The following GAREM2 variants were observed in gnomAD, a reference collection of about 807,000 sequenced individuals.
GAREM2 encodes the protein GRB2-associated and regulator of MAPK protein 2.
Under a neutral mutation model 55.6 loss-of-function variants are expected in GAREM2, and 30 were observed. The observed-to-expected ratio is 0.54, with a 90% CI of 0.40 to 0.73. The LOEUF (loss-of-function observed/expected upper bound fraction) is 0.73, where lower values mean the gene tolerates loss of function less well. Ranked by LOEUF, GAREM2 falls within the 30% of genes least tolerant of loss-of-function variation. The pLI is 0.00. For synonymous variants in GAREM2, 550 were observed against 569.1 expected (o/e 0.97, Z 0.48); for missense variants, 1,075 against 1,257.7 (o/e 0.85, Z 2.20).
chr2:26,176,926 G>A (rs914413722), intron 2 of GAREM2, among the ~76,000 whole-genome samples: 54 of 152,060 alleles, frequency 3.6e-4, no homozygotes, highest in Admixed American at 3.1e-3. Flanking sequence ...ACCTCTCCGC[G>A]CTGATCCTGT....
At position 26,187,926 on chromosome 2, in the gene GAREM2, C is replaced by T; in HGVS notation, c.2294C>T (p.Pro765Leu). 1 of 1,450,592 alleles carries T rather than the reference C, an allele frequency of 6.9e-7. No individual in the cohort carries two copies. Among genetic ancestry groups the T allele is most frequent in the South Asian group, 1.5e-5 (1 of 67,212 alleles). 89.9% of individuals were successfully genotyped at this position (1,450,592 alleles called of 1,614,324 possible). A position where few individuals can be genotyped will look rare whatever the true frequency, so the allele number is the denominator to read the frequency against. ...CTGTCACCAGCTGCTCTGCAGGGAC[C>T]CGAGGCGGGAGGAGCACTTTTTCTA... Reference protein sequence around the residue: ...TPLSPAALQGPEAGGALFLTQ... With the variant: ...TPLSPAALQGLEAGGALFLTQ... The change falls in exon 6 of 6, where the codon CCC (proline) becomes CTC (leucine). Residue 765 changes from proline (P) to leucine (L), a missense_variant. Around this residue, in one of 6 missense-constraint regions of GAREM2, gnomAD observed 142 missense variants for 172.3 expected, o/e 0.82. Coordinates refer to ENST00000401533, the MANE Select transcript of GAREM2 (RefSeq NM_001168241.2).
the GAREM2 span, among the ~76,000 whole-genome samples, chr2:26,203,746 C>A: frequency 1.3e-5 from 2 of 152,094 alleles, no homozygotes; most frequent in Non-Finnish European, 2.9e-5. Flanking sequence ...AGGCCTGATA[C>A]GAAAGTGTAA....
Position 26,176,416 on chromosome 2 carries a change from C to T in GAREM2, c.185C>T (p.Thr62Ile). 1 of 1,550,844 alleles carries T rather than the reference C, an allele frequency of 6.4e-7. No individual in the cohort carries two copies. Among genetic ancestry groups the T allele is most frequent in the Non-Finnish European group, 8.7e-7 (1 of 1,146,508 alleles). The change falls in exon 2 of 6, where the codon ACA becomes ATA. Residue 62 changes from threonine to isoleucine, a missense_variant. This residue lies in a region of GAREM2 where 230 missense variants were observed against 310.6 expected (regional missense o/e 0.74). Transcript: ENST00000401533. ...TCCTGCCGGCAGTGGACAACGGTGA[C>T]AGCTCATACCCTGGAGGAGGGCCAC... ...IHSCRQWTTVTAHTLEEGHYV... is the reference protein window; with the variant it reads ...IHSCRQWTTVIAHTLEEGHYV...
intron 5 of GAREM2, 85 bp from the exon 6 acceptor site, chr2:26,187,146 G>T: frequency 7.3e-7 from 1 of 1,370,136 alleles, no homozygotes; most frequent in Non-Finnish European, 9.4e-7. Context: ...TCATAGTGGT[G>T]CTTGGTTGCA....
intron 2 of GAREM2, among the ~76,000 whole-genome samples, chr2:26,180,270 G>A (rs533877673): frequency 5.3e-5 from 8 of 152,266 alleles, no homozygotes; most frequent in South Asian, 2.1e-4. Flanking sequence ...TGGGTCTCTC[G>A]CTGGGTTTAG....
At chr2:26,197,260 C>T in the GAREM2 span, among the ~76,000 whole-genome samples, 4 of 152,236 alleles carry the variant, frequency 2.6e-5, no homozygotes, top group East Asian at 1.9e-4. Flanking sequence ...TTTCATGTCC[C>T]GGGGTAGAAG....
At chr2:26,180,944 T>C in intron 2 of GAREM2, 1 of 985,458 alleles carries the variant, frequency 1.0e-6, no homozygotes, top group Non-Finnish European at 1.2e-6. Context: ...ACCAGGCTGG[T>C]GGCCTGAGTA....
chr2:26,183,644 G>C (rs534566128), intron 3 of GAREM2, among the ~76,000 whole-genome samples: 3 of 152,180 alleles, frequency 2.0e-5, no homozygotes, highest in Non-Finnish European at 4.4e-5. Context: ...GAGGACTGTT[G>C]CCAGGAGTTT....
intron 4 of GAREM2, among the ~76,000 whole-genome samples, chr2:26,185,930 C>T (rs897896036): frequency 7.2e-5 from 11 of 152,078 alleles, no homozygotes; most frequent in Non-Finnish European, 1.6e-4. Flanking sequence ...TGTTCTTTTT[C>T]TTAACATCCA....
rs754300310 is a variant in GAREM2, at chr2:26,186,252, G to A, written c.1492G>A (p.Gly498Ser). The change falls in exon 5 of 6, where the codon GGC becomes AGC. Residue 498 changes from glycine (G) to serine (S), a missense_variant. Transcript: ENST00000401533. ...PVPPRGGNGS[G>S]RLSSSPPVPP... ...GCCTCCCCGGGGTGGCAATGGCAGC[G>A]GCCGGCTCTCCAGCAGCCCCCCGGT... The A allele has an allele frequency of 9.2e-5, 143 of 1,549,566 alleles. 1 individual carries two copies. The Middle Eastern group carries it at 8.0e-3, about 87-fold the overall frequency.
At chr2:26,177,107 CAG>C (rs1668888998) in intron 2 of GAREM2, among the ~76,000 whole-genome samples, 1 of 152,210 alleles carries the variant, frequency 6.6e-6, no homozygotes, top group Admixed American at 6.5e-5. Flanking sequence ...GTTACCAAAA[CAG>C]AGTACAGCCC....
intron 1 of GAREM2, 115 bp downstream of exon 1, chr2:26,173,447 G>C (rs1668764355): frequency 5.9e-6 from 3 of 511,030 alleles, no homozygotes; most frequent in Non-Finnish European, 8.9e-6. Context: ...CCAGCTCCCC[G>C]GCGTGGGCCC....
At position 26,179,513 on chromosome 2, in the gene GAREM2, C is replaced by G. The variant is rs890593593; in HGVS notation, c.253+3029C>G. 1.3e-5 allele frequency among the ~76,000 whole-genome samples: 2 copies of G among 152,124 alleles called. No individual in the cohort carries two copies. The highest frequency in any genetic ancestry group is 2.9e-5 in the Non-Finnish European group (2 of 68,022). On this transcript the variant is annotated intron_variant, in intron 2 of 5. Transcript: ENST00000401533. The surrounding 1 kb of genome is among the most constrained non-coding windows in gnomAD (Gnocchi z 4.7). The stretch of plus-strand genomic sequence containing the variant: ...AAGGGTGGTCAGCAATCCCCTGCCA[C>G]AGCCCTCAGGTGCTTGGGGCTGGAA...
intron 2 of GAREM2, among the ~76,000 whole-genome samples, chr2:26,178,419 C>CG (rs1558305022): frequency 6.6e-6 from 1 of 151,902 alleles, no homozygotes; most frequent in Non-Finnish European, 1.5e-5. Context: ...AACCCCCCCC[C>CG]CCAACAACAA....
chr2:26,182,983 G>A lies in GAREM2; in HGVS notation c.270G>A (p.Leu90=). ...PLQYPGKFKL[L]EQARDVREPV... is the part of the protein sequence containing the mutation. ...ACTATGCAGGGAAGTTCAAGCTCCT[G>A]GAACAGGCCCGGGATGTGCGGGAGC... Residue 90 remains leucine, a synonymous_variant, in exon 3 of 6, where the codon CTG becomes CTA. Transcript: ENST00000401533. 1.3e-6 allele frequency: 2 copies of A among 1,551,688 alleles called. No homozygotes were observed. The highest frequency in any genetic ancestry group is 1.7e-6 in the Non-Finnish European group (2 of 1,146,976).
At position 26,188,398 on chromosome 2, in the gene GAREM2, G is replaced by T; in HGVS notation, c.*141G>T. 1.7e-6 allele frequency: 1 copy of T among 591,728 alleles called. No individual in the cohort carries two copies. Among genetic ancestry groups the T allele is most frequent in the South Asian group, 3.1e-5 (1 of 32,262 alleles). 36.7% of individuals were successfully genotyped at this position (591,728 alleles called of 1,614,324 possible). A position where few individuals can be genotyped will look rare whatever the true frequency, so the allele number is the denominator to read the frequency against. ...GCAGCCACTGGGTGGATCCAGGGGA[G>T]ATGCATGTGGAAATGTGGTCCTCTG... is the stretch of plus-strand genomic sequence containing the variant. On this transcript the variant is annotated 3_prime_UTR_variant, in exon 6 of 6. Transcript: ENST00000401533.
At chr2:26,176,915 C>T (rs58628691) in intron 2 of GAREM2, among the ~76,000 whole-genome samples, 193 of 152,280 alleles carry the variant, frequency 1.3e-3, no homozygotes, top group African/African-American at 4.4e-3. Context: ...TACATGGCTG[C>T]ACCTCTCCGC....
At chr2:26,180,294 C>A (rs1241453540) in intron 2 of GAREM2, among the ~76,000 whole-genome samples, 5 of 152,164 alleles carry the variant, frequency 3.3e-5, no homozygotes, top group Non-Finnish European at 7.4e-5. Context: ...TCTCCAGGAA[C>A]CCCCAGCACT....
chr2:26,175,898 C>T (rs977381811), intron 1 of GAREM2, among the ~76,000 whole-genome samples: 2 of 152,182 alleles, frequency 1.3e-5, no homozygotes, highest in Non-Finnish European at 2.9e-5. Context: ...CCTTCGCCAC[C>T]ACACCCCCAG....
Sources: gnomAD v4.1 joint callset for allele counts (sites outside exome capture counted in the v4.1 genomes callset) on GRCh38, gnomAD v4.1.1 for gene constraint, gnomAD v4.1.1 regional missense constraint, Gnocchi (gnomAD v3.1) non-coding constraint, MANE v1.5 for transcripts, NCBI Gene and HGNC (gene_info 2026-07-23, HGNC 2026-07-21) for gene names.